CEACAM4: variants seen among roughly 807,000 people sequenced by gnomAD.
CEACAM4 encodes CEA cell adhesion molecule 4, also known as cell adhesion molecule CEACAM4.
In CEACAM4, 30 loss-of-function variants were observed where a neutral mutation model predicts 28.7. The observed-to-expected ratio is 1.05, with a 90% CI of 0.78 to 1.42. The LOEUF is 1.42. CEACAM4 is among the 40% of genes most tolerant of loss of function. The probability of loss-of-function intolerance (pLI) is 0.00; values close to 1 mark genes in which losing one functional copy is unlikely to be tolerated. For synonymous variants in CEACAM4, 143 were observed against 126.5 expected, an observed-to-expected ratio of 1.13 and a Z score of -0.87; for missense variants, 330 against 308.2, an observed-to-expected ratio of 1.07 and a Z score of -0.53.
intron 2 of CEACAM4, among the ~76,000 whole-genome samples, chr19:41,622,843 T>TATAC (rs1296037150): frequency 8.4e-6 from 1 of 118,454 alleles, no homozygotes; most frequent in Non-Finnish European, 1.6e-5. Context: ...CTAGCATATA[T>TATAC]ATACATATAT....
downstream of CEACAM4, among the ~76,000 whole-genome samples, chr19:41,615,379 C>G (rs926269198): frequency 1.3e-5 from 2 of 151,956 alleles, no homozygotes; most frequent in Non-Finnish European, 2.9e-5. Context: ...GGGATGAGGA[C>G]ACCCCTGCGC....
intron 2 of CEACAM4, among the ~76,000 whole-genome samples, chr19:41,622,796 C>A (rs938853702): frequency 6.8e-6 from 1 of 146,778 alleles, no homozygotes; most frequent in Non-Finnish European, 1.5e-5. Flanking sequence ...ATCCTCACAA[C>A]CACTCTGAGA....
In CEACAM4 at chr19:41,625,759, T is replaced by G. The variant is rs1555803680; in HGVS notation, c.266A>C (p.Asn89Thr). ...ACCACTGTATGCGGCCCCTGGGATA[T>G]TTGCTTGAATGTCTGTTATATAACC... ...IAGYITDIQA[N>T]IPGAAYSGRE... Residue 89 changes from asparagine to threonine, a missense_variant, in exon 2 of 7, where the codon AAT becomes ACT. Coordinates refer to ENST00000221954, the MANE Select transcript of CEACAM4 (RefSeq NM_001817.4). 2 of 1,613,946 alleles carry G rather than the reference T, an allele frequency of 1.2e-6. No homozygotes were observed. Among genetic ancestry groups the G allele is most frequent in the East Asian group, 2.2e-5 (1 of 44,862 alleles).
chr19:41,622,280 G>A (rs1337106560), intron 2 of CEACAM4, among the ~76,000 whole-genome samples: 2 of 152,124 alleles, frequency 1.3e-5, no homozygotes, highest in East Asian at 1.9e-4. Context: ...ATTTCGCCAT[G>A]TTGTCCAGGC....
chr19:41,624,925 C>G (rs1555803190), intron 2 of CEACAM4, among the ~76,000 whole-genome samples: 1 of 152,198 alleles, frequency 6.6e-6, no homozygotes, highest in African/African-American at 2.4e-5. Flanking sequence ...GGACAAGAAG[C>G]TGCCAGGAAC....
rs372383612 is a variant in CEACAM4 at position 41,621,452 on chromosome 19, G to A, written c.542+199C>T. 1.1e-4 allele frequency among the ~76,000 whole-genome samples: 17 copies of A among 152,046 alleles called. No individual in the cohort carries two copies. The East Asian group carries it at 2.3e-3, about 21-fold the overall frequency. ...GGGAACTAGGACAGCACTCAGGGGTGCAACCTTAACTGTGCCACATTCATA... is the reference window on the plus strand; with the variant it reads ...GGGAACTAGGACAGCACTCAGGGGTACAACCTTAACTGTGCCACATTCATA... On this transcript the variant is annotated intron_variant, in intron 3 of 6. Transcript: ENST00000221954.
At chr19:41,616,541 A>ATAGATAGG (rs1555798886), downstream of CEACAM4, among the ~76,000 whole-genome samples, 2 of 136,286 alleles carry the variant, frequency 1.5e-5, no homozygotes, top group African/African-American at 5.4e-5. Context: ...AGATAGATAG[A>ATAGATAGG]TAGATATTCA....
intron 2 of CEACAM4, among the ~76,000 whole-genome samples, chr19:41,622,875 T>TAGAC (rs2071390095): frequency 7.9e-6 from 1 of 126,442 alleles, no homozygotes; most frequent in South Asian, 2.8e-4. Context: ...GATAGATAGA[T>TAGAC]AGATAGATAG....
intron 4 of CEACAM4, 87 bp from the exon 5 acceptor site, chr19:41,620,329 G>C (rs2071194149): frequency 8.2e-7 from 1 of 1,218,316 alleles, no homozygotes; most frequent in East Asian, 2.9e-5. Flanking sequence ...TCAGCTCCCA[G>C]AGAATCAGGG....
Position 41,621,725 on chromosome 19 carries a change from G to A in CEACAM4, c.468C>T (p.Ile156=), listed in dbSNP as rs1555801631. 6 of 1,613,032 alleles carry A rather than the reference G, an allele frequency of 3.7e-6. No homozygotes were observed. Among genetic ancestry groups the A allele is most frequent in the South Asian group, 3.3e-5 (3 of 91,054 alleles). The part of the protein sequence containing the change: ...PGLPVGAVAG[I]VTGVLVGVAL... ...CCACCCCAACCAGGACCCCAGTCAC[G>A]ATGCCAGCGACGGCCCCCACAGGAA... is the stretch of plus-strand genomic sequence containing the variant. Residue 156 remains isoleucine, a synonymous_variant, in exon 3 of 7, where the codon ATC becomes ATT. Transcript: ENST00000221954.
downstream of CEACAM4, among the ~76,000 whole-genome samples, chr19:41,617,773 T>C (rs1555799257): frequency 2.0e-5 from 3 of 152,170 alleles, no homozygotes; most frequent in Non-Finnish European, 4.4e-5. Flanking sequence ...CCCTGGAGCC[T>C]CTAGAAAGAA....
In CEACAM4 at chr19:41,625,699, A is replaced by C; in HGVS notation, c.326T>G (p.Phe109Cys). 5.6e-6 allele frequency: 9 copies of C among 1,613,914 alleles called. No individual in the cohort carries two copies. Among genetic ancestry groups the C allele is most frequent in the Non-Finnish European group, 7.6e-6 (9 of 1,179,926 alleles). Residue 109 changes from phenylalanine to cysteine, a missense_variant, in exon 2 of 7, where the codon TTC (phenylalanine) becomes TGC (cysteine). Transcript: ENST00000221954. The part of the protein sequence containing the change: ...ETVYPNGSLL[F>C]QNITLEDAGS... ...TGCGTCCTCCAGGGTGATGTTTTGGAACAGCAGGGATCCATTGGGGTATAC... is the reference window on the plus strand; with the variant it reads ...TGCGTCCTCCAGGGTGATGTTTTGGCACAGCAGGGATCCATTGGGGTATAC...
chr19:41,613,478 T>A, the CEACAM4 span, among the ~76,000 whole-genome samples: 2 of 149,882 alleles, frequency 1.3e-5, no homozygotes, highest in African/African-American at 5.0e-5. Context: ...TCCTGGGGGA[T>A]ACAGGCCCTG....
At chr19:41,618,530 G>T (rs1257183328), downstream of CEACAM4, among the ~76,000 whole-genome samples, 5 of 152,184 alleles carry the variant, frequency 3.3e-5, no homozygotes, top group Non-Finnish European at 7.3e-5. Context: ...TCCTGGATTT[G>T]GGGACAGGTA....
At chr19:41,618,604 G>T (rs1428490588), downstream of CEACAM4, among the ~76,000 whole-genome samples, 2 of 152,140 alleles carry the variant, frequency 1.3e-5, no homozygotes, top group African/African-American at 2.4e-5. Context: ...GGGCAGCAGG[G>T]GTCAGGACAC....
intron 1 of CEACAM4, among the ~76,000 whole-genome samples, chr19:41,626,661 A>G (rs3859460): frequency 0.47 from 70,987 of 152,018 alleles, 17,691 homozygotes; most frequent in East Asian, 0.9. Flanking sequence ...AACCAGGACG[A>G]GAGAACACTT....
chr19:41,614,696 G>A (rs1284566925), downstream of CEACAM4, among the ~76,000 whole-genome samples: 1 of 152,178 alleles, frequency 6.6e-6, no homozygotes, highest in Non-Finnish European at 1.5e-5. Context: ...CCTTCCAAGA[G>A]TTCTGGTTCC....
Position 41,619,716 on chromosome 19 carries a change from G to T in CEACAM4, c.628-5C>A. On this transcript the variant is annotated splice_region_variant and splice_polypyrimidine_tract_variant and intron_variant, in intron 5 of 6. Transcript: ENST00000221954. The stretch of plus-strand genomic sequence containing the variant: ...TCTGGGGCTGGGTAGAGGGGCCTGG[G>T]CAGGGGAGAGAGGAGATGTCAGGGG... The T allele has an allele frequency of 6.4e-7, 1 of 1,571,964 alleles. No individual in the cohort carries two copies. The highest frequency in any genetic ancestry group is 8.6e-7 in the Non-Finnish European group (1 of 1,157,494).
Position 41,621,703 on chromosome 19 carries a change from C to T in CEACAM4, c.490G>A (p.Val164Met). 1.2e-6 allele frequency: 2 copies of T among 1,613,214 alleles called. No homozygotes were observed. The highest frequency in any genetic ancestry group is 1.1e-5 in the South Asian group (1 of 91,052). Residue 164 changes from valine (V) to methionine (M), a missense_variant, in exon 3 of 7, where the codon GTG becomes ATG. Coordinates refer to ENST00000221954, the MANE Select transcript of CEACAM4 (RefSeq NM_001817.4). ...CACACCAGGGCGGCCACCAGAGCCA[C>T]CCCAACCAGGACCCCAGTCACGATG... is the stretch of plus-strand genomic sequence containing the variant. ...AGIVTGVLVG[V>M]ALVAALVCFL...
Sources: gnomAD v4.1 joint callset for allele counts (sites outside exome capture counted in the v4.1 genomes callset) on GRCh38, gnomAD v4.1.1 for gene constraint, MANE v1.5 for transcripts, NCBI Gene and HGNC (gene_info 2026-07-23, HGNC 2026-07-21) for gene names.